Variants in PDS5A observed in about 807,000 individuals in gnomAD.
PDS5A encodes the protein sister chromatid cohesion protein PDS5 homolog A.
In PDS5A, 42 loss-of-function variants were observed where a neutral mutation model predicts 167.1. That is an observed-to-expected ratio of 0.25 (90% confidence interval 0.20 to 0.33). The LOEUF is 0.33. Among genes scored for constraint, PDS5A ranks in the 10% least tolerant of loss-of-function variants. The probability of loss-of-function intolerance (pLI) is 1.00; values close to 1 mark genes in which losing one functional copy is unlikely to be tolerated. For synonymous variants in PDS5A, 553 were observed against 554.6 expected (o/e 1.00, Z 0.04); for missense variants, 1,033 against 1,605.9 (o/e 0.64, Z 6.10).
chr4:39,890,576 C>T (rs1721872903), intron 16 of PDS5A, among the ~76,000 whole-genome samples: 1 of 152,102 alleles, frequency 6.6e-6, no homozygotes. Flanking sequence ...TGAGTGAACA[C>T]AGCCTTGCCT....
At chr4:39,847,762 A>C (rs1717751930) in intron 28 of PDS5A, 1 of 152,180 alleles carries the variant, frequency 6.6e-6, no homozygotes, top group African/African-American at 2.4e-5. Context: ...TACGGCATTC[A>C]AAGTAGGAAG....
At chr4:39,958,741 TG>T (rs1437415069) in intron 2 of PDS5A, among the ~76,000 whole-genome samples, 1 of 151,894 alleles carries the variant, frequency 6.6e-6, no homozygotes, top group Non-Finnish European at 1.5e-5. Context: ...CCTGAGTAGT[TG>T]GGATTACAGG....
chr4:39,877,865 G>C (rs548323326), intron 18 of PDS5A, among the ~76,000 whole-genome samples: 1 of 152,156 alleles, frequency 6.6e-6, no homozygotes, highest in Non-Finnish European at 1.5e-5. Flanking sequence ...TCTTGGCTGG[G>C]ATTACAGGCG....
chr4:39,867,197 G>C (rs1289961568), intron 22 of PDS5A, among the ~76,000 whole-genome samples, 200 bp from the exon 23 acceptor site: 1 of 151,934 alleles, frequency 6.6e-6, no homozygotes, highest in East Asian at 1.9e-4. Context: ...TCTTAGATCT[G>C]TAAATGTATT....
intron 7 of PDS5A, among the ~76,000 whole-genome samples, chr4:39,918,202 C>A (rs79006297): frequency 0.028 from 2,722 of 98,170 alleles, 78 homozygotes; most frequent in African/African-American, 0.085. Context: ...AAAAAAAAAA[C>A]AGAATAATTT....
intron 26 of PDS5A, among the ~76,000 whole-genome samples, chr4:39,859,397 C>G (rs757699547): frequency 7.2e-5 from 11 of 152,290 alleles, no homozygotes; most frequent in Non-Finnish European, 1.3e-4. Context: ...CCTTCCACCT[C>G]AGCCTTCCAA....
intron 26 of PDS5A, among the ~76,000 whole-genome samples, chr4:39,851,999 A>C (rs1324433220): frequency 6.6e-6 from 1 of 152,240 alleles, no homozygotes; most frequent in African/African-American, 2.4e-5. Context: ...AAGGTTTTAA[A>C]CATTAGTATA....
At position 39,909,378 on chromosome 4, in the gene PDS5A, C is replaced by T. The variant is rs74791730; in HGVS notation, c.1088-838G>A. ...GGCCTCAAGTGATGCACTGCCTTGG[C>T]CTCCCAATGTGCAGGGGATTACACG... On this transcript the variant is annotated intron_variant, in intron 10 of 32. Transcript: ENST00000303538. 1.1e-3 allele frequency among the ~76,000 whole-genome samples: 168 copies of T among 152,226 alleles called. 1 individual carries two copies. The East Asian group carries it at 0.028, about 26-fold the overall frequency.
At chr4:39,904,487 C>T (rs543637220) in intron 11 of PDS5A, among the ~76,000 whole-genome samples, 32 of 152,126 alleles carry the variant, frequency 2.1e-4, no homozygotes, top group African/African-American at 6.3e-4. Flanking sequence ...TACAGGCGCC[C>T]GCACGCCCGG....
intron 2 of PDS5A, chr4:39,933,426 T>C (rs1726275866): frequency 6.6e-6 from 1 of 152,068 alleles, no homozygotes; most frequent in South Asian, 2.1e-4. Flanking sequence ...CAGAACAAAA[T>C]GCTACCTCTA....
At chr4:39,917,669 G>A (rs956589898) in intron 7 of PDS5A, among the ~76,000 whole-genome samples, 2 of 151,974 alleles carry the variant, frequency 1.3e-5, no homozygotes, top group African/African-American at 4.8e-5. Flanking sequence ...CCACCTCCGA[G>A]GTTCAAGCAA....
chr4:39,838,182 C>G lies in PDS5A; in HGVS notation c.3684G>C (p.Gln1228His). Residue 1228 changes from glutamine to histidine, a missense_variant, in exon 32 of 33, where the codon CAG becomes CAC. This residue lies in a region of PDS5A where 233 missense variants were observed against 264.0 expected (regional missense o/e 0.88). Transcript: ENST00000303538. ...NKEINSDQAT[Q>H]GNISSDRGKK... ...TTCCTCGGTCACTGCTGATGTTGCC[C>G]TGGGTAGCCTGATCAGAATTAATTT... The G allele has an allele frequency of 6.3e-7, 1 of 1,588,718 alleles. No individual in the cohort carries two copies. Among genetic ancestry groups the G allele is most frequent in the South Asian group, 1.2e-5 (1 of 86,700 alleles).
At chr4:39,948,532 C>G (rs1728013481) in intron 2 of PDS5A, among the ~76,000 whole-genome samples, 1 of 151,366 alleles carries the variant, frequency 6.6e-6, no homozygotes, top group Admixed American at 6.6e-5. Flanking sequence ...ACCATCTTGG[C>G]CAGGCTGGTC....
chr4:39,925,949 A>ATTTT lies in PDS5A; in HGVS notation c.430-17_430-16insAAAA. ...AAGCTAAATTCTTAAATAAATAAAA[A>ATTTT]TAATTATTGAATTATACATATATAC... On this transcript the variant is annotated splice_polypyrimidine_tract_variant and intron_variant, in intron 4 of 32. Transcript: ENST00000303538. 1.1e-6 allele frequency: 1 copy of ATTTT among 944,934 alleles called. No homozygotes were observed. Among genetic ancestry groups the ATTTT allele is most frequent in the Non-Finnish European group, 1.5e-6 (1 of 653,526 alleles). The allele number at this position is 944,934 out of a possible 1,614,324, so 58.5% of individuals were successfully genotyped here.
intron 19 of PDS5A, among the ~76,000 whole-genome samples, chr4:39,876,652 A>G (rs1053709586): frequency 6.6e-6 from 1 of 152,250 alleles, no homozygotes; most frequent in Non-Finnish European, 1.5e-5. Flanking sequence ...TTTATAACCC[A>G]TTTATAGAAA....
intron 2 of PDS5A, among the ~76,000 whole-genome samples, chr4:39,958,324 T>C (rs1282646242): frequency 4.0e-5 from 6 of 151,782 alleles, no homozygotes; most frequent in South Asian, 2.1e-4. Flanking sequence ...CTGGCCAACA[T>C]GGTGAAACCC....
At chr4:39,881,143 T>C (rs1578659711) in intron 17 of PDS5A, among the ~76,000 whole-genome samples, 1 of 152,224 alleles carries the variant, frequency 6.6e-6, no homozygotes, top group Non-Finnish European at 1.5e-5. Flanking sequence ...TTTCATTCTT[T>C]TTTTTATGGC....
intron 32 of PDS5A, among the ~76,000 whole-genome samples, chr4:39,825,707 C>T (rs954963723): frequency 1.3e-5 from 2 of 151,866 alleles, no homozygotes; most frequent in South Asian, 4.1e-4. Flanking sequence ...CCAGGCTCAG[C>T]GTCCAGCCTG....
chr4:39,957,123 C>T (rs1009853977), intron 2 of PDS5A, among the ~76,000 whole-genome samples: 2 of 152,058 alleles, frequency 1.3e-5, no homozygotes, highest in African/African-American at 4.8e-5. Flanking sequence ...ATAGTGGCTA[C>T]GTGAGGGATA....
Sources: gnomAD v4.1 joint callset for allele counts (sites outside exome capture counted in the v4.1 genomes callset) on GRCh38, gnomAD v4.1.1 for gene constraint, gnomAD v4.1.1 regional missense constraint, MANE v1.5 for transcripts, NCBI Gene and HGNC (gene_info 2026-07-23, HGNC 2026-07-21) for gene names.